Variants in DIS3L2 observed in about 807,000 individuals in gnomAD.
The protein encoded by DIS3L2 is DIS3 like 3'-5' exoribonuclease 2, also known as DIS3-like exonuclease 2.
Under a neutral mutation model 97.5 loss-of-function variants are expected in DIS3L2, and 34 were observed. The observed-to-expected ratio is 0.35, with a 90% CI of 0.27 to 0.46. The LOEUF (loss-of-function observed/expected upper bound fraction) is 0.46. DIS3L2 is among the 20% of genes least tolerant of loss of function. DIS3L2 has a pLI of 1.00. For missense variants in DIS3L2, 1,038 were observed against 1,146.0 expected (o/e 0.91, Z 1.36); for synonymous variants, 435 against 445.2 (o/e 0.98, Z 0.29).
At chr2:232,134,422 C>G (rs1692991320) in intron 7 of DIS3L2, among the ~76,000 whole-genome samples, 1 of 152,156 alleles carries the variant, frequency 6.6e-6, no homozygotes, top group African/African-American at 2.4e-5. Context: ...TTAGAGAATA[C>G]TGGTGGCTGA....
chr2:232,102,551 AAAG>A (rs774780924), intron 6 of DIS3L2, among the ~76,000 whole-genome samples: 12 of 152,196 alleles, frequency 7.9e-5, no homozygotes, highest in African/African-American at 9.6e-5. Context: ...GGTTCAGAAA[AAAG>A]AAGAAACGAA....
chr2:232,205,776 T>A (rs572171760), intron 9 of DIS3L2, among the ~76,000 whole-genome samples: 3 of 152,308 alleles, frequency 2.0e-5, no homozygotes, highest in South Asian at 2.1e-4. Flanking sequence ...GAAAACTTTT[T>A]AAAGTTTATT....
intron 1 of DIS3L2, among the ~76,000 whole-genome samples, chr2:231,989,110 C>T (rs529824000): frequency 9.9e-5 from 15 of 152,152 alleles, no homozygotes; most frequent in African/African-American, 2.9e-4. Context: ...TGAAATTATG[C>T]GTGTAGATAG....
intron 13 of DIS3L2, among the ~76,000 whole-genome samples, chr2:232,294,953 A>G (rs1455369402): frequency 2.0e-5 from 3 of 151,834 alleles, no homozygotes; most frequent in Non-Finnish European, 4.4e-5. Context: ...CCTCTTTCCC[A>G]TTTATTTCCT....
intron 10 of DIS3L2, among the ~76,000 whole-genome samples, chr2:232,234,443 G>A (rs1455650705): frequency 3.9e-5 from 6 of 152,146 alleles, no homozygotes; most frequent in East Asian, 1.9e-4. Flanking sequence ...TCCACCTCCC[G>A]GGTTCGAGTG....
At chr2:232,172,305 TC>T (rs1559701290) in intron 9 of DIS3L2, among the ~76,000 whole-genome samples, 1 of 151,992 alleles carries the variant, frequency 6.6e-6, no homozygotes, top group African/African-American at 2.4e-5. Flanking sequence ...TCATTCCCTC[TC>T]CCCCCAGCTT....
In DIS3L2 at chr2:232,002,906, G is replaced by T. The variant is rs7584080; in HGVS notation, c.-93-11929G>T. 7.1e-3 allele frequency among the ~76,000 whole-genome samples: 1,075 copies of T among 152,204 alleles called. 11 individuals carry two copies. Among genetic ancestry groups the T allele is most frequent in the African/African-American group, 0.025 (1,038 of 41,524 alleles). On this transcript the variant is annotated intron_variant, in intron 1 of 20. Coordinates refer to ENST00000325385, the MANE Select transcript of DIS3L2 (RefSeq NM_152383.5). ...GTCATATAAAAGGAAACATACCATAGATTATCTTTTAGTTAATTCAGAAGC... is the reference window on the plus strand; with the variant it reads ...GTCATATAAAAGGAAACATACCATATATTATCTTTTAGTTAATTCAGAAGC...
intron 9 of DIS3L2, among the ~76,000 whole-genome samples, chr2:232,166,827 C>T (rs191661737): frequency 6.6e-6 from 1 of 152,020 alleles, no homozygotes; most frequent in East Asian, 1.9e-4. Flanking sequence ...TGGAGACCAG[C>T]GTGGCCAACA....
chr2:232,010,163 T>C (rs1451282317), intron 1 of DIS3L2, among the ~76,000 whole-genome samples: 1 of 152,168 alleles, frequency 6.6e-6, no homozygotes, highest in Non-Finnish European at 1.5e-5. Flanking sequence ...TTGATCAATA[T>C]CAAGATCTTT....
intron 7 of DIS3L2, chr2:232,131,943 CAAAAAAAAAAAAAA>C (rs33952490): frequency 1.1e-4 from 4 of 36,440 alleles, no homozygotes; most frequent in Non-Finnish European, 1.9e-4. Context: ...TGGCTTTCAG[CAAAAAAAAAAAAAA>C]AAAAAAAAAA....
chr2:232,275,610 G>A (rs892913231), intron 13 of DIS3L2, among the ~76,000 whole-genome samples: 6 of 152,202 alleles, frequency 3.9e-5, no homozygotes, highest in Non-Finnish European at 7.3e-5. Flanking sequence ...CCCTTGTTAA[G>A]TGACATGGCA....
At chr2:232,134,813 C>T (rs908007795) in intron 7 of DIS3L2, among the ~76,000 whole-genome samples, 1 of 151,178 alleles carries the variant, frequency 6.6e-6, no homozygotes, top group African/African-American at 2.4e-5. Flanking sequence ...GCCTGGGTGA[C>T]AGAGCAAGGT....
chr2:231,988,395 C>G (rs1693480983), intron 1 of DIS3L2, among the ~76,000 whole-genome samples: 1 of 152,210 alleles, frequency 6.6e-6, no homozygotes, highest in South Asian at 2.1e-4. Flanking sequence ...TCCACCAGTG[C>G]CACGTGCTTA....
intron 5 of DIS3L2, among the ~76,000 whole-genome samples, chr2:232,042,937 A>G (rs1369667398): frequency 6.6e-6 from 1 of 152,266 alleles, no homozygotes; most frequent in African/African-American, 2.4e-5. Context: ...TATTAGTCTT[A>G]GAAATGAGGA....
At chr2:232,224,648 G>T (rs530032006) in intron 10 of DIS3L2, among the ~76,000 whole-genome samples, 39 of 152,058 alleles carry the variant, frequency 2.6e-4, no homozygotes, top group Admixed American at 8.5e-4. Flanking sequence ...ACACCAGCCT[G>T]GTCAACATGG....
intron 8 of DIS3L2, among the ~76,000 whole-genome samples, chr2:232,161,107 G>C (rs1202011170): frequency 1.3e-5 from 2 of 152,048 alleles, no homozygotes; most frequent in Non-Finnish European, 2.9e-5. Context: ...TAGTGGAGAC[G>C]GGGTTTCACC....
intron 9 of DIS3L2, among the ~76,000 whole-genome samples, chr2:232,196,109 A>G (rs1691745898): frequency 6.6e-6 from 1 of 151,946 alleles, no homozygotes; most frequent in Non-Finnish European, 1.5e-5. Context: ...ATAATTATAA[A>G]TTTTATACTA....
chr2:231,996,383 C>T (rs1693731929), intron 1 of DIS3L2, among the ~76,000 whole-genome samples: 1 of 152,092 alleles, frequency 6.6e-6, no homozygotes, highest in African/African-American at 2.4e-5. Context: ...CACCTAGGTC[C>T]TTAAAGCTTT....
chr2:232,028,003 C>G (rs1451599080), intron 4 of DIS3L2, among the ~76,000 whole-genome samples: 3 of 152,120 alleles, frequency 2.0e-5, no homozygotes, highest in Non-Finnish European at 2.9e-5. Context: ...CTAAGAAGCT[C>G]TCTAACTTTT....
Sources: allele counts gnomAD v4.1 joint callset (sites outside exome capture counted in the v4.1 genomes callset), GRCh38; gene constraint gnomAD v4.1.1; transcripts MANE v1.5; gene names NCBI Gene and HGNC (gene_info 2026-07-23, HGNC 2026-07-21).